The following SPSB1 variants were observed in gnomAD, a reference collection of about 807,000 sequenced individuals.
SPSB1 encodes the protein splA/ryanodine receptor domain and SOCS box containing 1.
Under a neutral mutation model 21.2 loss-of-function variants are expected in SPSB1, and 8 were observed. That is an observed-to-expected ratio of 0.38 (90% CI 0.22 to 0.68). SPSB1 has a LOEUF of 0.68. Among genes scored for constraint, SPSB1 ranks in the 30% least tolerant of loss-of-function variants. The pLI, the probability that SPSB1 is intolerant of heterozygous loss-of-function variation, is 0.53. For missense variants in SPSB1, 242 were observed against 377.8 expected (o/e 0.64, Z 2.98); for synonymous variants, 169 against 161.7 (o/e 1.05, Z -0.34).
At chr1:9,297,812 A>G (rs1639250850) in intron 1 of SPSB1, among the ~76,000 whole-genome samples, 1 of 152,192 alleles carries the variant, frequency 6.6e-6, no homozygotes, top group African/African-American at 2.4e-5. Flanking sequence ...GCTTAGGGAC[A>G]TTGGAATGCT....
rs374766298 is a variant in SPSB1 at position 9,299,629 on chromosome 1, G to A, written c.-150+6558G>A. The stretch of plus-strand genomic sequence containing the variant: ...TGAGTAGCTGGGATTACAGGCATGC[G>A]CCACCACACCCAGCTAATTTTTTGT... On this transcript the variant is annotated intron_variant, in intron 1 of 2. Transcript: ENST00000328089. Among the ~76,000 whole-genome samples, 14 of 152,096 alleles carry A rather than the reference G, an allele frequency of 9.2e-5. 1 individual carries two copies. The East Asian group carries it at 1.7e-3, about 19-fold the overall frequency.
chr1:9,358,722 G>A (rs934310729), intron 2 of SPSB1, among the ~76,000 whole-genome samples: 2 of 152,140 alleles, frequency 1.3e-5, no homozygotes. Context: ...AGACTGTGGG[G>A]CCCCATGAAG....
intron 2 of SPSB1, among the ~76,000 whole-genome samples, chr1:9,360,797 A>G (rs1190572101): frequency 2.0e-5 from 3 of 152,216 alleles, no homozygotes; most frequent in Admixed American, 2.0e-4. Context: ...GTTTCCAGAT[A>G]AGGCTCCACT....
In SPSB1 at chr1:9,324,705, G is replaced by A. The variant is rs1486187280; in HGVS notation, c.-149-31038G>A. 2.0e-5 allele frequency among the ~76,000 whole-genome samples: 3 copies of A among 152,206 alleles called. No homozygotes were observed. Among genetic ancestry groups the A allele is most frequent in the Non-Finnish European group, 4.4e-5 (3 of 68,040 alleles). ...CCTGGCAGGAGGCAGCGGCCAGCCAGCATCTCCCGGAGCCCAGAATCTCTC... is the reference window on the plus strand; with the variant it reads ...CCTGGCAGGAGGCAGCGGCCAGCCAACATCTCCCGGAGCCCAGAATCTCTC... On this transcript the variant is annotated intron_variant, in intron 1 of 2. Coordinates refer to ENST00000328089, the MANE Select transcript of SPSB1 (RefSeq NM_025106.4). This position sits in a 1 kb window ranked among gnomAD's most constrained non-coding sequence, Gnocchi z 4.3.
chr1:9,293,084 G>A lies in SPSB1; in HGVS notation c.-150+13G>A, dbSNP rs1394597621. On this transcript the variant is annotated intron_variant, in intron 1 of 2. Transcript: ENST00000328089. This position sits in a 1 kb window ranked among gnomAD's most constrained non-coding sequence, Gnocchi z 5.1. The stretch of plus-strand genomic sequence containing the variant: ...CACCCCGGGCGCGGTAGGCGGCGCG[G>A]GGCACCTGGGACCCCGATGGGTGGG... The A allele has an allele frequency of 1.0e-6, 1 of 979,244 alleles. No homozygotes were observed. The highest frequency in any genetic ancestry group is 1.2e-6 in the Non-Finnish European group (1 of 825,686). The allele number at this position is 979,244 out of a possible 1,614,324, so 60.7% of individuals were successfully genotyped here.
chr1:9,354,533 C>T (rs1640330371), intron 1 of SPSB1, among the ~76,000 whole-genome samples: 1 of 152,196 alleles, frequency 6.6e-6, no homozygotes, highest in South Asian at 2.1e-4. Context: ...GCTGCCTTAT[C>T]CTTCTCCTTG....
intron 1 of SPSB1, among the ~76,000 whole-genome samples, chr1:9,298,276 C>G (rs947255295): frequency 5.3e-5 from 8 of 152,218 alleles, no homozygotes; most frequent in Admixed American, 2.0e-4. Flanking sequence ...AAAAGTCTAA[C>G]TTGAATAATT....
rs1557453365 is a variant in SPSB1, at chr1:9,325,238, G to GTT, written c.-149-30505_-149-30504insTT. 8.4e-5 allele frequency among the ~76,000 whole-genome samples: 11 copies of GTT among 131,370 alleles called. 1 individual carries two copies. The highest frequency in any genetic ancestry group is 9.2e-5 in the Non-Finnish European group (6 of 65,422). 86.2% of individuals were successfully genotyped at this position (131,370 alleles called of 152,430 possible). On this transcript the variant is annotated intron_variant, in intron 1 of 2. Coordinates refer to ENST00000328089, the MANE Select transcript of SPSB1 (RefSeq NM_025106.4). ...CCTCCCACCACCACCCCCCCCCCCC[G>GTT]CCCCGCCTCCACCGGTGCAGATGGA...
intron 1 of SPSB1, among the ~76,000 whole-genome samples, chr1:9,296,551 G>C (rs1639229002): frequency 7.1e-6 from 1 of 140,696 alleles, no homozygotes; most frequent in Admixed American, 7.2e-5. Context: ...ACTCACATAT[G>C]CACATGCATA....
At chr1:9,312,740 T>TTTA (rs528939562) in intron 1 of SPSB1, among the ~76,000 whole-genome samples, 285 of 152,144 alleles carry the variant, frequency 1.9e-3, no homozygotes, top group Middle Eastern at 3.4e-3. Flanking sequence ...TTCTTTGGGT[T>TTTA]TTATTATTAT....
At position 9,367,674 on chromosome 1, in the gene SPSB1, C is replaced by T. The variant is rs921118836; in HGVS notation, c.*99C>T. ...GCACCCTGCACCTTGGACCGGCATC[C>T]GTAGCCATGGACAGAGGTCCCTGGT... On this transcript the variant is annotated 3_prime_UTR_variant, in exon 3 of 3. Transcript: ENST00000328089. The surrounding 1 kb of genome is among the most constrained non-coding windows in gnomAD (Gnocchi z 5.9). 23 of 1,466,728 alleles carry T rather than the reference C, an allele frequency of 1.6e-5. No individual in the cohort carries two copies. Among genetic ancestry groups the T allele is most frequent in the South Asian group, 9.5e-5 (7 of 73,392 alleles). The allele number at this position is 1,466,728 out of a possible 1,614,324, so 90.9% of individuals were successfully genotyped here. A position where few individuals can be genotyped will look rare whatever the true frequency, so the allele number is the denominator to read the frequency against.
Position 9,356,426 on chromosome 1 carries a change from G to A in SPSB1, c.535G>A (p.Val179Ile), listed in dbSNP as rs780033845. Reference protein sequence around the residue: ...ETFIVPDSFLVALDMDDGTLS... With the variant: ...ETFIVPDSFLIALDMDDGTLS... ...ATTCATTGTCCCTGACTCCTTCCTG[G>A]TAGCCCTGGACATGGACGACGGGAC... The change falls in exon 2 of 3, where the codon GTA (valine) becomes ATA (isoleucine). Residue 179 changes from valine to isoleucine, a missense_variant. Coordinates refer to ENST00000328089, the MANE Select transcript of SPSB1 (RefSeq NM_025106.4). The surrounding 1 kb of genome is among the most constrained non-coding windows in gnomAD (Gnocchi z 7.4). 2.5e-6 allele frequency: 4 copies of A among 1,614,152 alleles called. No individual in the cohort carries two copies. Among genetic ancestry groups the A allele is most frequent in the Non-Finnish European group, 3.4e-6 (4 of 1,180,040 alleles).
rs5772365 is a variant in SPSB1 at position 9,295,217 on chromosome 1, A to AGTGTGT, written c.-150+2166_-150+2171dup. ...GTGTGTGTGTGTGTGTGAGAGTGTG[A>AGTGTGT]GTGTGTGTGTGTGTGTGTGTGTGTG... On this transcript the variant is annotated intron_variant, in intron 1 of 2. Transcript: ENST00000328089. 1.3e-4 allele frequency among the ~76,000 whole-genome samples: 20 copies of AGTGTGT among 148,660 alleles called. 1 individual carries two copies. Among genetic ancestry groups the AGTGTGT allele is most frequent in the Middle Eastern group, 3.5e-3 (1 of 284 alleles).
rs866602487 is a variant in SPSB1 at position 9,321,460 on chromosome 1, C to G, written c.-150+28389C>G. On this transcript the variant is annotated intron_variant, in intron 1 of 2. Transcript: ENST00000328089. This position sits in a 1 kb window ranked among gnomAD's most constrained non-coding sequence, Gnocchi z 4.8. ...ACCCGTTATTCGTCACCTTGGTGCC[C>G]GATAGAGAAGTGTCTCAGCAGTTCT... 5.3e-5 allele frequency among the ~76,000 whole-genome samples: 8 copies of G among 152,172 alleles called. No individual in the cohort carries two copies. Among genetic ancestry groups the G allele is most frequent in the Middle Eastern group, 6.8e-3 (2 of 294 alleles).
chr1:9,296,352 A>G (rs1639225684), intron 1 of SPSB1, among the ~76,000 whole-genome samples: 1 of 152,164 alleles, frequency 6.6e-6, no homozygotes, highest in Non-Finnish European at 1.5e-5. Flanking sequence ...TCGAATCCAG[A>G]CTTGGCACCC....
chr1:9,361,523 C>T (rs1020132362), intron 2 of SPSB1, among the ~76,000 whole-genome samples: 1 of 152,220 alleles, frequency 6.6e-6, no homozygotes, highest in Non-Finnish European at 1.5e-5. Context: ...CCTGTGGCCT[C>T]TTTCCTGCAT....
intron 1 of SPSB1, among the ~76,000 whole-genome samples, chr1:9,306,430 G>A (rs1272043092): frequency 6.6e-6 from 1 of 152,152 alleles, no homozygotes; most frequent in African/African-American, 2.4e-5. Context: ...ATGGACCGGG[G>A]TCTGTCTATA....
rs1640163348 is a variant in SPSB1, at chr1:9,346,137, C to T, written c.-149-9606C>T. Among the ~76,000 whole-genome samples the T allele has an allele frequency of 6.6e-6, 1 of 152,242 alleles. No homozygotes were observed. Among genetic ancestry groups the T allele is most frequent in the Non-Finnish European group, 1.5e-5 (1 of 68,046 alleles). Reference sequence around the variant, plus strand: ...TTGATTCTGATAAAATAGCAGATTGCTCGGGGCATGTTTCTCTTGCAAAAT... The same window carrying T: ...TTGATTCTGATAAAATAGCAGATTGTTCGGGGCATGTTTCTCTTGCAAAAT... On this transcript the variant is annotated intron_variant, in intron 1 of 2. Transcript: ENST00000328089. The surrounding 1 kb of genome is among the most constrained non-coding windows in gnomAD (Gnocchi z 4.4).
At chr1:9,325,381 G>A (rs746060508) in intron 1 of SPSB1, among the ~76,000 whole-genome samples, 10 of 152,196 alleles carry the variant, frequency 6.6e-5, no homozygotes, top group Admixed American at 1.3e-4. Context: ...GAGGGGCCTG[G>A]AAGGCAGACC....
Sources: gnomAD v4.1 joint callset for allele counts (sites outside exome capture counted in the v4.1 genomes callset) on GRCh38, gnomAD v4.1.1 for gene constraint, Gnocchi (gnomAD v3.1) non-coding constraint, MANE v1.5 for transcripts, NCBI Gene and HGNC (gene_info 2026-07-23, HGNC 2026-07-21) for gene names.